IK: variants seen among roughly 807,000 people sequenced by gnomAD.
The protein encoded by IK is protein Red.
In IK, 47 loss-of-function variants were observed where a neutral mutation model predicts 90.9. That is an observed-to-expected ratio of 0.52 (90% CI 0.41 to 0.66). The LOEUF is 0.66. IK is among the 30% of genes least tolerant of loss of function. The pLI is 0.00. For missense variants in IK, 385 were observed against 709.3 expected, an observed-to-expected ratio of 0.54 and a Z score of 5.19; for synonymous variants, 201 against 227.5, an observed-to-expected ratio of 0.88 and a Z score of 1.05.
intron 2 of IK, among the ~76,000 whole-genome samples, 174 bp downstream of exon 2, chr5:140,648,711 G>A (rs1049199237): frequency 5.3e-5 from 8 of 150,474 alleles, no homozygotes; most frequent in African/African-American, 2.0e-4. Context: ...AAGGGTATTA[G>A]AAGGGAAATT....
rs115764650 is a variant in IK, at chr5:140,653,882, C to T, written c.405-56C>T. Reference sequence around the variant, plus strand: ...CCTCCCAGAGTACTGGGATTACAGGCGTGATCCACCACGCCTGGACAGTAC... The same window carrying T: ...CCTCCCAGAGTACTGGGATTACAGGTGTGATCCACCACGCCTGGACAGTAC... On this transcript the variant is annotated intron_variant, in intron 5 of 19. Transcript: ENST00000417647. 4.1e-3 allele frequency: 4,390 copies of T among 1,081,258 alleles called. 121 individuals are homozygous for T. In the African/African-American group the frequency reaches 0.058, roughly 14 times the overall value. 67.0% of individuals were successfully genotyped at this position (1,081,258 alleles called of 1,614,324 possible). A position where few individuals can be genotyped will look rare whatever the true frequency, so the allele number is the denominator to read the frequency against.
rs1043161183 is a variant in IK, at chr5:140,659,943, G to A, written c.1274+109G>A. 34 of 958,932 alleles carry A rather than the reference G, an allele frequency of 3.5e-5. 1 individual carries two copies. Among genetic ancestry groups the A allele is most frequent in the South Asian group, 3.0e-4 (21 of 71,078 alleles). 59.4% of individuals were successfully genotyped at this position (958,932 alleles called of 1,614,324 possible). Reference sequence around the variant, plus strand: ...CCCTGCCCCTCTCCTTCCCTTTTACGCTGAATTTTGACAGAATGAAACCAT... The same window carrying A: ...CCCTGCCCCTCTCCTTCCCTTTTACACTGAATTTTGACAGAATGAAACCAT... On this transcript the variant is annotated intron_variant, in intron 14 of 19. Coordinates refer to ENST00000417647, the MANE Select transcript of IK (RefSeq NM_006083.4).
At chr5:140,660,010 A>T in intron 14 of IK, 105 bp from the exon 15 acceptor site, 4 of 1,029,092 alleles carry the variant, frequency 3.9e-6, no homozygotes, top group Non-Finnish European at 5.9e-6. Context: ...CTCACAGCCC[A>T]CTCAGAATTT....
At chr5:140,649,800 T>A (rs1757584356) in intron 2 of IK, among the ~76,000 whole-genome samples, 1 of 152,236 alleles carries the variant, frequency 6.6e-6, no homozygotes, top group African/African-American at 2.4e-5. Flanking sequence ...CCCAAAGTGC[T>A]GGGATTACAG....
At chr5:140,659,940 T>A (rs1757773663) in intron 14 of IK, 106 bp downstream of exon 14, 1 of 971,558 alleles carries the variant, frequency 1.0e-6, no homozygotes. Flanking sequence ...CCTTCCCTTT[T>A]ACGCTGAATT....
chr5:140,658,629 GT>G (rs1209937010), intron 10 of IK, 107 bp from the exon 11 acceptor site: 8 of 974,482 alleles, frequency 8.2e-6, no homozygotes, highest in Non-Finnish European at 1.3e-5. Context: ...CTTGACCCAC[GT>G]TTTAAACAGA....
chr5:140,653,178 A>C lies in IK; in HGVS notation c.404+34A>C, dbSNP rs1232513472. 4 of 1,576,598 alleles carry C rather than the reference A, an allele frequency of 2.5e-6. No homozygotes were observed. The East Asian group carries it at 9.0e-5, about 35-fold the overall frequency. On this transcript the variant is annotated intron_variant, in intron 5 of 19. Coordinates refer to ENST00000417647, the MANE Select transcript of IK (RefSeq NM_006083.4). ...TGAGGGAACAGGGCATGGTTCCCTC[A>C]GCATCCGAGAGTCATGCAAATACAA...
At chr5:140,659,258 G>A in intron 12 of IK, 57 bp from the exon 13 acceptor site, 1 of 1,613,044 alleles carries the variant, frequency 6.2e-7, no homozygotes, top group Non-Finnish European at 8.5e-7. Flanking sequence ...ACTTGGGGGA[G>A]GGATGAGTAG....
chr5:140,651,660 CT>C, intron 2 of IK, 53 bp from the exon 3 acceptor site: 2 of 872,180 alleles, frequency 2.3e-6, no homozygotes, highest in Non-Finnish European at 3.7e-6. Context: ...TTACTTGTTC[CT>C]TTTTCATTTC....
intron 10 of IK, among the ~76,000 whole-genome samples, chr5:140,658,131 G>T (rs1757740331): frequency 6.7e-6 from 1 of 149,220 alleles, no homozygotes; most frequent in Middle Eastern, 3.5e-3. Flanking sequence ...TCCCAAGTAG[G>T]CACTATAGGC....
In IK at chr5:140,652,265, A is replaced by T; in HGVS notation, c.236+118A>T. The stretch of plus-strand genomic sequence containing the variant: ...TGTCTTGAGGCTCTCTACTTTCTTA[A>T]TGAAACAGAGTGATACTTAGAGTGG... On this transcript the variant is annotated intron_variant, in intron 4 of 19. Coordinates refer to ENST00000417647, the MANE Select transcript of IK (RefSeq NM_006083.4). 5 of 768,726 alleles carry T rather than the reference A, an allele frequency of 6.5e-6. No homozygotes were observed. The South Asian group carries it at 8.1e-5, about 12-fold the overall frequency. The allele number at this position is 768,726 out of a possible 1,614,324, so 47.6% of individuals were successfully genotyped here. A position where few individuals can be genotyped will look rare whatever the true frequency, so the allele number is the denominator to read the frequency against.
At chr5:140,648,034 GTGTGTGTGTGTA>G (rs1440042991) in intron 1 of IK, 110 bp downstream of exon 1, 7 of 1,054,478 alleles carry the variant, frequency 6.6e-6, no homozygotes, top group African/African-American at 1.7e-5. Flanking sequence ...GTGTGTGTGT[GTGTGTGTGTGTA>G]TGTATGTATG....
At chr5:140,660,737 T>TC in intron 15 of IK, 21 bp from the exon 16 acceptor site, 5 of 1,607,382 alleles carry the variant, frequency 3.1e-6, no homozygotes, top group Non-Finnish European at 4.3e-6. Context: ...CAACATCTGT[T>TC]TAACTCTTGC....
At chr5:140,648,293 C>G in intron 1 of IK, 178 bp from the exon 2 acceptor site, 1 of 719,098 alleles carries the variant, frequency 1.4e-6, no homozygotes, top group Non-Finnish European at 2.5e-6. Context: ...GGATTAGGGT[C>G]CTCTGCTTTG....
At chr5:140,653,261 C>A in intron 5 of IK, 117 bp downstream of exon 5, 5 of 729,062 alleles carry the variant, frequency 6.9e-6, no homozygotes, top group Non-Finnish European at 1.1e-5. Flanking sequence ...ATTTCAGAGG[C>A]ATTTGCCACC....
chr5:140,648,512 G>A lies in IK; in HGVS notation c.58G>A (p.Val20Met), dbSNP rs371475390. 1 of 1,614,006 alleles carries A rather than the reference G, an allele frequency of 6.2e-7. No homozygotes were observed. The highest frequency in any genetic ancestry group is 1.1e-5 in the South Asian group (1 of 91,088). ...SNPLAPDGHD[V>M]DDPHSFHQSK... Reference sequence around the variant, plus strand: ...CCCTTTGGCCCCCGATGGCCACGATGTGGATGATCCTCACTCCTTCCACCA... The same window carrying A: ...CCCTTTGGCCCCCGATGGCCACGATATGGATGATCCTCACTCCTTCCACCA... Residue 20 changes from valine to methionine, a missense_variant, in exon 2 of 20, where the codon GTG (valine) becomes ATG (methionine). Coordinates refer to ENST00000417647, the MANE Select transcript of IK (RefSeq NM_006083.4).
At chr5:140,659,215 ATG>A in intron 12 of IK, 51 bp downstream of exon 12, 1 of 1,607,572 alleles carries the variant, frequency 6.2e-7, no homozygotes, top group Non-Finnish European at 8.5e-7. Context: ...CTCTCTGGAA[ATG>A]TGAGCAAGGT....
chr5:140,652,217 T>TA (rs1757626385), intron 4 of IK, 70 bp downstream of exon 4: 1 of 1,167,586 alleles, frequency 8.6e-7, no homozygotes, highest in Non-Finnish European at 1.3e-6. Flanking sequence ...AGGGGCTAAT[T>TA]ATGAAGCTAG....
At chr5:140,648,735 TGTTAA>T in intron 2 of IK, 198 bp downstream of exon 2, 1 of 542,980 alleles carries the variant, frequency 1.8e-6, no homozygotes, top group Non-Finnish European at 3.2e-6. Context: ...GCAGGAAAGG[TGTTAA>T]GTTTTTTTTT....
Sources: gnomAD v4.1 joint callset for allele counts (sites outside exome capture counted in the v4.1 genomes callset) on GRCh38, gnomAD v4.1.1 for gene constraint, MANE v1.5 for transcripts, NCBI Gene and HGNC (gene_info 2026-07-23, HGNC 2026-07-21) for gene names.